Variants in SLC22A15 observed in about 807,000 individuals in gnomAD.
SLC22A15 encodes the protein solute carrier family 22 member 15.
Under a neutral mutation model 62.7 loss-of-function variants are expected in SLC22A15, and 45 were observed. The ratio of observed to expected loss-of-function variants is 0.72; its 90% CI spans 0.56 to 0.92. The LOEUF is 0.92. Ranked by LOEUF, SLC22A15 falls within the 40% of genes least tolerant of loss-of-function variation. The pLI, the probability that SLC22A15 is intolerant of heterozygous loss-of-function variation, is 0.00. For missense variants in SLC22A15, 622 were observed against 665.6 expected, an observed-to-expected ratio of 0.93 and a Z score of 0.72; for synonymous variants, 264 against 267.0, an observed-to-expected ratio of 0.99 and a Z score of 0.11.
chr1:115,995,889 G>T (rs1325689786), intron 2 of SLC22A15, among the ~76,000 whole-genome samples: 3 of 152,152 alleles, frequency 2.0e-5, no homozygotes, highest in Non-Finnish European at 4.4e-5. Context: ...ATAATACAGA[G>T]AAATTTTGTG....
At chr1:115,993,997 C>T (rs1655293293) in intron 2 of SLC22A15, among the ~76,000 whole-genome samples, 1 of 152,168 alleles carries the variant, frequency 6.6e-6, no homozygotes, top group Admixed American at 6.5e-5. Context: ...TGTCACCTTC[C>T]CCGTGAGTCT....
intron 1 of SLC22A15, among the ~76,000 whole-genome samples, chr1:115,983,272 A>G (rs1654699361): frequency 6.6e-6 from 1 of 152,232 alleles, no homozygotes; most frequent in Admixed American, 6.5e-5. Context: ...TTTTAAAATT[A>G]TGAGACATTT....
intron 8 of SLC22A15, among the ~76,000 whole-genome samples, chr1:116,057,621 G>A (rs374433622): frequency 2.4e-4 from 37 of 152,108 alleles, no homozygotes; most frequent in East Asian, 5.8e-4. Flanking sequence ...TGTTTATTGC[G>A]GCACTATTCA....
intron 8 of SLC22A15, among the ~76,000 whole-genome samples, chr1:116,043,783 C>T (rs988400464): frequency 6.6e-6 from 1 of 152,190 alleles, no homozygotes; most frequent in Non-Finnish European, 1.5e-5. Flanking sequence ...GGGGACATCA[C>T]TATAGAACCT....
intron 2 of SLC22A15, among the ~76,000 whole-genome samples, chr1:115,996,584 C>CT (rs965322161): frequency 1.1e-3 from 144 of 136,486 alleles, no homozygotes; most frequent in African/African-American, 1.6e-3. Flanking sequence ...ATTTCTTTTT[C>CT]TTTTTTTTTT....
intron 2 of SLC22A15, among the ~76,000 whole-genome samples, chr1:116,013,590 T>C (rs919830787): frequency 2.6e-5 from 4 of 152,196 alleles, no homozygotes; most frequent in African/African-American, 9.7e-5. Flanking sequence ...GTTTCATTAC[T>C]CAGATGTTAA....
rs1035989201 is a variant in SLC22A15, at chr1:116,020,751, C to G, written c.464C>G (p.Ala155Gly). ...GCTCTTGACATCTTATTTGCAATTGCAAATGGATTTTCCCCCTCATATGAG... is the reference window on the plus strand; with the variant it reads ...GCTCTTGACATCTTATTTGCAATTGGAAATGGATTTTCCCCCTCATATGAG... ...GFALDILFAIANGFSPSYEFF... is the reference protein window; with the variant it reads ...GFALDILFAIGNGFSPSYEFF... The change falls in exon 4 of 12, where the codon GCA becomes GGA. Residue 155 changes from alanine to glycine, a missense_variant. Transcript: ENST00000369503. 1 of 1,612,366 alleles carries G rather than the reference C, an allele frequency of 6.2e-7. No individual in the cohort carries two copies. The highest frequency in any genetic ancestry group is 8.5e-7 in the Non-Finnish European group (1 of 1,179,158).
intron 2 of SLC22A15, among the ~76,000 whole-genome samples, chr1:116,011,006 A>G (rs1400264254): frequency 6.6e-6 from 1 of 152,186 alleles, no homozygotes; most frequent in African/African-American, 2.4e-5. Flanking sequence ...CTTTATGATT[A>G]GGTGGGCTAT....
chr1:115,985,079 A>G (rs1350912382), intron 1 of SLC22A15, among the ~76,000 whole-genome samples: 2 of 152,214 alleles, frequency 1.3e-5, no homozygotes, highest in Non-Finnish European at 2.9e-5. Context: ...AGTCTACTGT[A>G]GTGTCCTAGG....
chr1:116,064,724 TG>T (rs1196054264), intron 10 of SLC22A15, among the ~76,000 whole-genome samples: 2 of 152,178 alleles, frequency 1.3e-5, no homozygotes, highest in East Asian at 3.8e-4. Flanking sequence ...CATCTGGATT[TG>T]TTGGAGGGTC....
At chr1:116,027,608 C>A (rs1379394118) in intron 5 of SLC22A15, among the ~76,000 whole-genome samples, 2 of 151,850 alleles carry the variant, frequency 1.3e-5, no homozygotes, top group African/African-American at 4.8e-5. Flanking sequence ...TGTTACAAGG[C>A]AGGCCACCAT....
intron 1 of SLC22A15, 138 bp from the exon 2 acceptor site, chr1:115,991,893 C>G (rs560856483): frequency 1.2e-5 from 8 of 678,630 alleles, no homozygotes; most frequent in Non-Finnish European, 2.0e-5. Flanking sequence ...TCCTTTGTTT[C>G]TGATGTGGCT....
chr1:116,017,467 A>G (rs567625549), intron 2 of SLC22A15: 2 of 152,268 alleles, frequency 1.3e-5, no homozygotes, highest in African/African-American at 4.8e-5. Flanking sequence ...TAAGAATTGC[A>G]TGTGAAGAAT....
intron 1 of SLC22A15, among the ~76,000 whole-genome samples, chr1:115,983,493 C>T (rs748523827): frequency 2.2e-4 from 33 of 152,088 alleles, no homozygotes; most frequent in Non-Finnish European, 4.0e-4. Context: ...TATGTATAAT[C>T]GATGCATCAT....
intron 8 of SLC22A15, among the ~76,000 whole-genome samples, chr1:116,039,679 A>G (rs560635396): frequency 6.6e-6 from 1 of 152,128 alleles, no homozygotes; most frequent in Non-Finnish European, 1.5e-5. Flanking sequence ...CTTTCATTTA[A>G]TTCATCACTA....
At chr1:116,026,058 A>G (rs770695916) in intron 4 of SLC22A15, among the ~76,000 whole-genome samples, 23 of 152,306 alleles carry the variant, frequency 1.5e-4, no homozygotes, top group South Asian at 6.2e-4. Context: ...AATGTCATGT[A>G]TCCTATAGTA....
At chr1:116,053,324 TG>T (rs1304020174) in intron 8 of SLC22A15, among the ~76,000 whole-genome samples, 2 of 151,790 alleles carry the variant, frequency 1.3e-5, no homozygotes, top group African/African-American at 4.8e-5. Flanking sequence ...ATGAAATGAA[TG>T]AAATGAAGTG....
intron 8 of SLC22A15, among the ~76,000 whole-genome samples, chr1:116,042,032 T>A (rs1008263368): frequency 1.1e-4 from 17 of 150,894 alleles, no homozygotes; most frequent in Non-Finnish European, 2.1e-4. Context: ...CTTAACTGCA[T>A]CACGGAACAA....
chr1:116,006,306 C>A (rs2101173228), intron 2 of SLC22A15, among the ~76,000 whole-genome samples: 1 of 152,288 alleles, frequency 6.6e-6, no homozygotes, highest in African/African-American at 2.4e-5. Flanking sequence ...CCCACTGTAT[C>A]TCCTATGCTG....
Sources: allele counts gnomAD v4.1 joint callset (sites outside exome capture counted in the v4.1 genomes callset), GRCh38; gene constraint gnomAD v4.1.1; transcripts MANE v1.5; gene names NCBI Gene and HGNC (gene_info 2026-07-23, HGNC 2026-07-21).